FSTL5: variants seen among roughly 807,000 people sequenced by gnomAD.
The protein encoded by FSTL5 is follistatin-related protein 5.
In FSTL5, 62 loss-of-function variants were observed where a neutral mutation model predicts 89.1. The observed-to-expected ratio is 0.70, with a 90% CI of 0.57 to 0.86. The LOEUF (loss-of-function observed/expected upper bound fraction) is 0.86. Among genes scored for constraint, FSTL5 ranks in the 40% least tolerant of loss-of-function variants. The pLI, the probability that FSTL5 is intolerant of heterozygous loss-of-function variation, is 0.00. For synonymous variants in FSTL5, 383 were observed against 346.2 expected, an observed-to-expected ratio of 1.11 and a Z score of -1.18; for missense variants, 1,057 against 1,001.6, an observed-to-expected ratio of 1.06 and a Z score of -0.75.
chr4:161,478,665 C>G (rs1050458026), intron 13 of FSTL5, among the ~76,000 whole-genome samples: 1 of 151,630 alleles, frequency 6.6e-6, no homozygotes, highest in Non-Finnish European at 1.5e-5. Context: ...AAAGTTGAAA[C>G]AAGAAGGCAG....
At chr4:161,798,581 T>C (rs1175456240) in intron 4 of FSTL5, among the ~76,000 whole-genome samples, 2 of 151,486 alleles carry the variant, frequency 1.3e-5, no homozygotes, top group Non-Finnish European at 3.0e-5. Flanking sequence ...ACAGTTAAAA[T>C]GCAAATTCTC....
chr4:161,404,070 G>C lies in FSTL5; in HGVS notation c.1842-17621C>G, dbSNP rs183584148. On this transcript the variant is annotated intron_variant, in intron 15 of 15. Coordinates refer to ENST00000306100, the MANE Select transcript of FSTL5 (RefSeq NM_020116.5). ...TTTCAGAGTTCACAGAGTGGAATTT[G>C]CTCCCAAGTGACTGTGTTTGCGCAT... 1.2e-3 allele frequency among the ~76,000 whole-genome samples: 189 copies of C among 152,268 alleles called. 1 individual carries two copies. Among genetic ancestry groups the C allele is most frequent in the African/African-American group, 4.5e-3 (186 of 41,540 alleles).
In FSTL5 at chr4:161,826,882, T is replaced by G. The variant is rs1449379840; in HGVS notation, c.410-50808A>C. On this transcript the variant is annotated intron_variant, in intron 4 of 15. Coordinates refer to ENST00000306100, the MANE Select transcript of FSTL5 (RefSeq NM_020116.5). ...TTTTAAGTAGATGATTTAGGCCATT[T>G]ATGTTCAACGTTGAGATGTGAGGTA... 2.0e-5 allele frequency among the ~76,000 whole-genome samples: 3 copies of G among 152,196 alleles called. No homozygotes were observed. In the East Asian group the frequency reaches 5.8e-4, roughly 29 times the overall value.
chr4:161,837,816 T>C (rs1216963295), intron 4 of FSTL5, among the ~76,000 whole-genome samples: 1 of 152,164 alleles, frequency 6.6e-6, no homozygotes. Flanking sequence ...TCTTCTCTAT[T>C]ATGCATTTAA....
chr4:161,884,955 A>G (rs2126914910), intron 4 of FSTL5, among the ~76,000 whole-genome samples: 1 of 152,278 alleles, frequency 6.6e-6, no homozygotes, highest in African/African-American at 2.4e-5. Flanking sequence ...AATTTTAGAT[A>G]TTTGAATAGT....
intron 11 of FSTL5, among the ~76,000 whole-genome samples, chr4:161,502,045 T>C (rs1464859007): frequency 2.0e-5 from 3 of 152,030 alleles, no homozygotes; most frequent in Non-Finnish European, 2.9e-5. Context: ...GCTCTTAACA[T>C]TTTTCAGTGA....
At chr4:161,526,688 A>G (rs1186475767) in intron 10 of FSTL5, among the ~76,000 whole-genome samples, 1 of 152,150 alleles carries the variant, frequency 6.6e-6, no homozygotes, top group African/African-American at 2.4e-5. Context: ...TCCCAGCACC[A>G]TTTATTGAAT....
chr4:162,023,063 T>C (rs1354845892), intron 3 of FSTL5, among the ~76,000 whole-genome samples: 2 of 152,138 alleles, frequency 1.3e-5, no homozygotes, highest in Non-Finnish European at 1.5e-5. Flanking sequence ...ACTACACGTG[T>C]ATCCCCATAC....
intron 15 of FSTL5, among the ~76,000 whole-genome samples, chr4:161,433,493 C>G (rs1261484263): frequency 6.6e-6 from 1 of 152,016 alleles, no homozygotes; most frequent in Non-Finnish European, 1.5e-5. Context: ...CCTCTAAGAG[C>G]TGAAACACAA....
At chr4:161,557,344 T>C (rs1408810834) in intron 8 of FSTL5, among the ~76,000 whole-genome samples, 1 of 151,568 alleles carries the variant, frequency 6.6e-6, no homozygotes, top group Non-Finnish European at 1.5e-5. Context: ...GAATTTTTAA[T>C]CTTCAGTTTT....
chr4:162,093,824 T>A (rs975578620), intron 2 of FSTL5, among the ~76,000 whole-genome samples: 2 of 152,126 alleles, frequency 1.3e-5, no homozygotes, highest in Non-Finnish European at 2.9e-5. Flanking sequence ...CTAATTCGCA[T>A]TTTATAAACC....
rs1308664450 is a variant in FSTL5, at chr4:161,509,844, A to G, written c.1339+554T>C. Among the ~76,000 whole-genome samples the G allele has an allele frequency of 2.0e-5, 3 of 152,180 alleles. No homozygotes were observed. The East Asian group carries it at 5.8e-4, about 29-fold the overall frequency. On this transcript the variant is annotated intron_variant, in intron 11 of 15. Transcript: ENST00000306100. ...GTAACAACTGCAATAATATATGAAA[A>G]TGGATACTGTTTATTGAGTGCTGTT...
At chr4:161,420,882 T>TATGAATAA (rs1560886588) in intron 15 of FSTL5, among the ~76,000 whole-genome samples, 1 of 150,730 alleles carries the variant, frequency 6.6e-6, no homozygotes, top group African/African-American at 2.4e-5. Context: ...TGGTATTAAA[T>TATGAATAA]ATAAATAAAT....
At chr4:161,960,049 TAAATAA>T (rs1409033499) in intron 3 of FSTL5, among the ~76,000 whole-genome samples, 3 of 152,138 alleles carry the variant, frequency 2.0e-5, no homozygotes, top group African/African-American at 7.2e-5. Flanking sequence ...ACAATGTTAT[TAAATAA>T]AAATAAGTTC....
At chr4:161,987,634 G>GTA (rs1003447212) in intron 3 of FSTL5, among the ~76,000 whole-genome samples, 3 of 147,002 alleles carry the variant, frequency 2.0e-5, no homozygotes, top group East Asian at 3.9e-4. Context: ...TATAATGAAA[G>GTA]TATATATATA....
intron 10 of FSTL5, among the ~76,000 whole-genome samples, chr4:161,519,064 CA>C (rs1207078836): frequency 6.6e-6 from 1 of 152,094 alleles, no homozygotes; most frequent in Non-Finnish European, 1.5e-5. Context: ...ATGTGTGATC[CA>C]AAAAACCAAG....
intron 7 of FSTL5, among the ~76,000 whole-genome samples, chr4:161,652,489 T>C (rs555886677): frequency 1.1e-3 from 168 of 152,194 alleles, no homozygotes; most frequent in Non-Finnish European, 2.1e-3. Context: ...TAAGATTCCC[T>C]GCTTCATAGA....
chr4:162,066,671 G>T (rs1488594396), intron 2 of FSTL5, among the ~76,000 whole-genome samples: 2 of 147,004 alleles, frequency 1.4e-5, no homozygotes, highest in African/African-American at 5.0e-5. Flanking sequence ...TTATGAGTGA[G>T]AACATGTGGT....
At chr4:161,466,967 A>G (rs1158569293) in intron 13 of FSTL5, among the ~76,000 whole-genome samples, 1 of 151,998 alleles carries the variant, frequency 6.6e-6, no homozygotes, top group Non-Finnish European at 1.5e-5. Context: ...GTTTAGTTCC[A>G]AAATACACAT....
Sources: allele counts gnomAD v4.1 joint callset (sites outside exome capture counted in the v4.1 genomes callset), GRCh38; gene constraint gnomAD v4.1.1; transcripts MANE v1.5; gene names NCBI Gene and HGNC (gene_info 2026-07-23, HGNC 2026-07-21).